The following GOLGA3 variants were observed in gnomAD, a reference collection of about 807,000 sequenced individuals.
GOLGA3 encodes golgin A3.
A neutral mutation model predicts 169.4 loss-of-function variants in GOLGA3; 75 were observed. The ratio of observed to expected loss-of-function variants is 0.44; its 90% CI spans 0.37 to 0.54. GOLGA3 has a LOEUF of 0.54. Ranked by LOEUF, GOLGA3 falls within the 20% of genes least tolerant of loss-of-function variation. The pLI, the probability that GOLGA3 is intolerant of heterozygous loss-of-function variation, is 0.00. For synonymous variants in GOLGA3, 824 were observed against 822.4 expected, an observed-to-expected ratio of 1.00 and a Z score of -0.03; for missense variants, 1,899 against 1,930.0, an observed-to-expected ratio of 0.98 and a Z score of 0.30.
In GOLGA3 at chr12:132,777,867, C is replaced by G. The variant is rs900443; in HGVS notation, c.3583-62G>C. 3.8e-6 allele frequency: 6 copies of G among 1,578,430 alleles called. No homozygotes were observed. In the East Asian group the frequency reaches 1.1e-4, roughly 30 times the overall value. On this transcript the variant is annotated intron_variant, in intron 18 of 23. Coordinates refer to ENST00000450791, the MANE Select transcript of GOLGA3 (RefSeq NM_001389683.1). The surrounding 1 kb of genome is among the most constrained non-coding windows in gnomAD (Gnocchi z 4.7). Reference sequence around the variant, plus strand: ...TGACACCCACAGCTTTATGACGTGCCGGGCGCAGGGGGTGAATGCACTCCC... The same window carrying G: ...TGACACCCACAGCTTTATGACGTGCGGGGCGCAGGGGGTGAATGCACTCCC...
intron 17 of GOLGA3, among the ~76,000 whole-genome samples, chr12:132,781,745 TC>T (rs2045618374): frequency 6.6e-6 from 1 of 152,160 alleles, no homozygotes; most frequent in Non-Finnish European, 1.5e-5. Context: ...CCCAGCCTAG[TC>T]CTCAATTCAG....
rs999691892 is a variant in GOLGA3, at chr12:132,769,729, G to A, written c.*3376C>T. 6.6e-6 allele frequency: 1 copy of A among 152,234 alleles called. No individual in the cohort carries two copies. The highest frequency in any genetic ancestry group is 1.5e-5 in the Non-Finnish European group (1 of 68,042). 9.4% of individuals were successfully genotyped at this position (152,234 alleles called of 1,614,324 possible). A position where few individuals can be genotyped will look rare whatever the true frequency, so the allele number is the denominator to read the frequency against. ...AGCCCGTGACACACGGCGTGGGGAT[G>A]AACACGCCACATAATGCACTGGTGA... On this transcript the variant is annotated 3_prime_UTR_variant, in exon 24 of 24. Transcript: ENST00000450791.
chr12:132,811,350 T>A (rs1949700318), intron 4 of GOLGA3, among the ~76,000 whole-genome samples: 1 of 152,198 alleles, frequency 6.6e-6, no homozygotes, highest in Admixed American at 6.5e-5. Context: ...CCCACCCCCA[T>A]CTAGAACCCA....
Position 132,782,389 on chromosome 12 carries a change from G to T in GOLGA3, c.3372C>A (p.Leu1124=). 1.2e-6 allele frequency: 2 copies of T among 1,614,212 alleles called. No homozygotes were observed. The highest frequency in any genetic ancestry group is 2.2e-5 in the South Asian group (2 of 91,086). Residue 1124 remains leucine, a synonymous_variant, in exon 17 of 24, where the codon CTC becomes CTA. Coordinates refer to ENST00000450791, the MANE Select transcript of GOLGA3 (RefSeq NM_001389683.1). ...CCCGCAGAGCTGCGTTGGACTGACC[G>T]AGGCCCGTAAGCTTCCCTTTCTCGT... ...LEHEKGKLTG[L]GQSNAALREH... is the part of the protein sequence containing the mutation.
At position 132,804,140 on chromosome 12, in the gene GOLGA3, A is replaced by G. The variant is rs1949265397; in HGVS notation, c.1597+576T>C. On this transcript the variant is annotated intron_variant, in intron 7 of 23. Transcript: ENST00000450791. This position sits in a 1 kb window ranked among gnomAD's most constrained non-coding sequence, Gnocchi z 4.1. ...TACTTGTACTCTCTGGGCGAGCCCTATAGGGAGGCAGCTGGACCGACGCAC... is the reference window on the plus strand; with the variant it reads ...TACTTGTACTCTCTGGGCGAGCCCTGTAGGGAGGCAGCTGGACCGACGCAC... Among the ~76,000 whole-genome samples the G allele has an allele frequency of 6.6e-6, 1 of 152,200 alleles. No homozygotes were observed. Among genetic ancestry groups the G allele is most frequent in the African/African-American group, 2.4e-5 (1 of 41,458 alleles).
intron 8 of GOLGA3, among the ~76,000 whole-genome samples, chr12:132,799,591 GA>G (rs1345209777): frequency 6.6e-6 from 1 of 152,216 alleles, no homozygotes; most frequent in Non-Finnish European, 1.5e-5. Flanking sequence ...AGGGAGCTAT[GA>G]TGGTAACACT....
At position 132,786,563 on chromosome 12, in the gene GOLGA3, G is replaced by A. The variant is rs377654431; in HGVS notation, c.2907-8C>T. The A allele has an allele frequency of 1.7e-5, 28 of 1,611,418 alleles. No homozygotes were observed. In the African/African-American group the frequency reaches 3.1e-4, roughly 18 times the overall value. ...TTCTGTTCCGTGATGGCCCTGGGGT[G>A]TCATGAGGGAGACACAGGAGGAAGC... is the stretch of plus-strand genomic sequence containing the variant. On this transcript the variant is annotated splice_polypyrimidine_tract_variant and splice_region_variant and intron_variant, in intron 14 of 23. Transcript: ENST00000450791.
intron 8 of GOLGA3, among the ~76,000 whole-genome samples, chr12:132,799,739 G>T (rs1949039177): frequency 1.4e-5 from 2 of 146,380 alleles, no homozygotes; most frequent in African/African-American, 5.0e-5. Flanking sequence ...CTTGTTGTTG[G>T]TTTTTTTTTT....
chr12:132,778,786 T>C (rs1401399256), intron 18 of GOLGA3, among the ~76,000 whole-genome samples: 1 of 150,854 alleles, frequency 6.6e-6, no homozygotes, highest in African/African-American at 2.4e-5. Context: ...TTCCAGCTAC[T>C]GGGGAGGCTG....
At chr12:132,778,918 C>T (rs895189233) in intron 18 of GOLGA3, among the ~76,000 whole-genome samples, 1 of 151,440 alleles carries the variant, frequency 6.6e-6, no homozygotes, top group Non-Finnish European at 1.5e-5. Flanking sequence ...GAAAAAAATT[C>T]AGTGAACCCT....
intron 13 of GOLGA3, among the ~76,000 whole-genome samples, 200 bp downstream of exon 13, chr12:132,788,827 G>A (rs900643527): frequency 3.9e-5 from 6 of 152,040 alleles, no homozygotes; most frequent in Admixed American, 3.9e-4. Context: ...GCCCCTCTGG[G>A]ACCTATGCTC....
chr12:132,807,768 C>T (rs1426024739), intron 5 of GOLGA3, 123 bp downstream of exon 5: 2 of 208,176 alleles, frequency 9.6e-6, no homozygotes, highest in East Asian at 2.2e-4. Context: ...CTGCCCACCC[C>T]GCCCCCTCTG....
chr12:132,773,941 G>A (rs953523131), intron 23 of GOLGA3, among the ~76,000 whole-genome samples: 1 of 144,122 alleles, frequency 6.9e-6, no homozygotes, highest in African/African-American at 2.6e-5. Context: ...AACCTCAGAG[G>A]CTGAGTCCTT....
chr12:132,805,089 G>A (rs1291277829), intron 6 of GOLGA3, 67 bp from the exon 7 acceptor site: 1 of 1,521,260 alleles, frequency 6.6e-7, no homozygotes, highest in South Asian at 1.2e-5. Flanking sequence ...TGTATTAACA[G>A]GAACACAACC....
chr12:132,787,504 A>G (rs1289853650), intron 13 of GOLGA3, among the ~76,000 whole-genome samples: 3 of 73,684 alleles, frequency 4.1e-5, no homozygotes, highest in Admixed American at 1.6e-4. Context: ...CCCTCCCCAC[A>G]AGCCCCTGGA....
At chr12:132,802,651 G>C (rs10732708) in intron 7 of GOLGA3, among the ~76,000 whole-genome samples, 2 of 151,942 alleles carry the variant, frequency 1.3e-5, no homozygotes, top group African/African-American at 4.8e-5. Flanking sequence ...AAAACAAAAA[G>C]AAAATTTAAA....
chr12:132,797,848 C>T lies in GOLGA3; in HGVS notation c.1938+492G>A, dbSNP rs999251236. 7.2e-5 allele frequency among the ~76,000 whole-genome samples: 11 copies of T among 152,336 alleles called. No individual in the cohort carries two copies. In the South Asian group the frequency reaches 1.9e-3, roughly 26 times the overall value. On this transcript the variant is annotated intron_variant, in intron 9 of 23. Coordinates refer to ENST00000450791, the MANE Select transcript of GOLGA3 (RefSeq NM_001389683.1). ...CAGGCAGCGGCCATGACCTCGACAG[C>T]GTGTGGTTGCTGGAGGGTTAAATGG...
chr12:132,821,914 GCCACATCCTCCCTCAACA>G (rs1169491875), intron 2 of GOLGA3, 64 bp downstream of exon 2: 39 of 788,522 alleles, frequency 4.9e-5, no homozygotes, highest in East Asian at 3.4e-4. Flanking sequence ...TGGTCTCAAC[GCCACATCCTCCCTCAACA>G]CCACGTCCTC....
At position 132,807,940 on chromosome 12, in the gene GOLGA3, G is replaced by A; in HGVS notation, c.1129C>T (p.Gln377Ter). 1 of 1,611,166 alleles carries A rather than the reference G, an allele frequency of 6.2e-7. No homozygotes were observed. The highest frequency in any genetic ancestry group is 8.5e-7 in the Non-Finnish European group (1 of 1,179,074). ...AAAAEHQDQG[Q>*]EVNGEVRSRR... Reference sequence around the variant, plus strand: ...CTCCGCACCTCCCCGTTGACCTCCTGCCCCTGGTCTTGGTGCTCAGCGGCT... The same window carrying A: ...CTCCGCACCTCCCCGTTGACCTCCTACCCCTGGTCTTGGTGCTCAGCGGCT... Residue 377 changes from glutamine to a stop codon, truncating the protein, a stop_gained, in exon 5 of 24, where the codon CAG becomes TAG. Transcript: ENST00000450791. LOFTEE classifies it high-confidence loss of function.
Sources: allele counts gnomAD v4.1 joint callset (sites outside exome capture counted in the v4.1 genomes callset), GRCh38; gene constraint gnomAD v4.1.1; non-coding constraint Gnocchi (gnomAD v3.1); transcripts MANE v1.5; gene names NCBI Gene and HGNC (gene_info 2026-07-23, HGNC 2026-07-21).